Variants in TSPOAP1 observed in about 807,000 individuals in gnomAD.
The protein encoded by TSPOAP1 is TSPO associated protein 1.
In TSPOAP1, 87 loss-of-function variants were observed where a neutral mutation model predicts 197.0. The ratio of observed to expected loss-of-function variants is 0.44; its 90% confidence interval spans 0.37 to 0.53. The LOEUF is 0.53. Ranked by LOEUF, TSPOAP1 falls within the 20% of genes least tolerant of loss-of-function variation. The pLI is 0.00. For missense variants in TSPOAP1, 2,174 were observed against 2,411.3 expected (o/e 0.90, Z 2.06); for synonymous variants, 913 against 998.9 (o/e 0.91, Z 1.62).
chr17:58,310,443 G>A, intron 20 of TSPOAP1, 69 bp downstream of exon 20: 1 of 1,581,680 alleles, frequency 6.3e-7, no homozygotes, highest in Non-Finnish European at 8.6e-7. Context: ...AACTGGATTT[G>A]CGCTGGCAAA....
In TSPOAP1 at chr17:58,326,463, C is replaced by T. The variant is rs750709305; in HGVS notation, c.442-42G>A. The T allele has an allele frequency of 1.9e-6, 3 of 1,607,328 alleles. No homozygotes were observed. Among genetic ancestry groups the T allele is most frequent in the East Asian group, 4.5e-5 (2 of 44,852 alleles). ...CAGAATTGGGGCATGTAGGGAGCAC[C>T]CCACAGACCCAGTCCTAACAGCCCA... On this transcript the variant is annotated intron_variant, in intron 2 of 31. Transcript: ENST00000343736. This position sits in a 1 kb window ranked among gnomAD's most constrained non-coding sequence, Gnocchi z 4.7.
chr17:58,316,011 C>A lies in TSPOAP1; in HGVS notation c.2098+12G>T. The A allele has an allele frequency of 1.9e-6, 3 of 1,602,354 alleles. No individual in the cohort carries two copies. The highest frequency in any genetic ancestry group is 2.6e-6 in the Non-Finnish European group (3 of 1,169,356). On this transcript the variant is annotated intron_variant, in intron 16 of 31. Transcript: ENST00000343736. ...GGGGAATGGACAGAATGACCCCCCA[C>A]TACATTCCTACCTTCAAAAAAGCCA...
rs143108728 is a variant in TSPOAP1 at position 58,301,770 on chromosome 17, C to T, written c.*710G>A. 1,259 of 158,162 alleles carry T rather than the reference C, an allele frequency of 8.0e-3. 5 individuals are homozygous for T. Among genetic ancestry groups the T allele is most frequent in the Middle Eastern group, 0.02 (6 of 300 alleles). 9.8% of individuals were successfully genotyped at this position (158,162 alleles called of 1,614,324 possible). A position where few individuals can be genotyped will look rare whatever the true frequency, so the allele number is the denominator to read the frequency against. On this transcript the variant is annotated 3_prime_UTR_variant, in exon 32 of 32. Coordinates refer to ENST00000343736, the MANE Select transcript of TSPOAP1 (RefSeq NM_004758.4). ...TGAGTATATACATATATACAGGCTC[C>T]GCCCGCCTGCCCGCTGGGGAGATGG...
chr17:58,305,822 T>C lies in TSPOAP1; in HGVS notation c.5257+11A>G, dbSNP rs1274685462. On this transcript the variant is annotated intron_variant, in intron 27 of 31. Transcript: ENST00000343736. ...TTCCCCAGCCTCCCGGGCCCAGGGA[T>C]ATTCCTTCACCTGGACAGGGCTGGG... 6.2e-7 allele frequency: 1 copy of C among 1,612,818 alleles called. No homozygotes were observed. Among genetic ancestry groups the C allele is most frequent in the African/African-American group, 1.3e-5 (1 of 74,938 alleles).
chr17:58,312,625 G>A lies in TSPOAP1; in HGVS notation c.2196C>T (p.Ala732=), dbSNP rs760901540. ...CAGGGCCTGAGCTGTGGGACAAATCGGCCAGCTCTGGAGGGAGGGAGGTCA... is the reference window on the plus strand; with the variant it reads ...CAGGGCCTGAGCTGTGGGACAAATCAGCCAGCTCTGGAGGGAGGGAGGTCA... ...DLLTSLPPEL[A]DLSHSSGPEL... is the part of the protein sequence containing the mutation. Residue 732 remains alanine, a synonymous_variant, in exon 17 of 32, where the codon GCC becomes GCT. Transcript: ENST00000343736. The A allele has an allele frequency of 5.6e-5, 91 of 1,613,704 alleles. 1 individual carries two copies. Among genetic ancestry groups the A allele is most frequent in the Admixed American group, 8.3e-5 (5 of 59,998 alleles).
rs1373029619 is a variant in TSPOAP1 at position 58,306,703 on chromosome 17, G to A, written c.5152+97C>T. The A allele has an allele frequency of 9.7e-5, 140 of 1,443,404 alleles. No individual in the cohort carries two copies. The East Asian group carries it at 3.2e-3, about 33-fold the overall frequency. The allele number at this position is 1,443,404 out of a possible 1,614,324, so 89.4% of individuals were successfully genotyped here. A position where few individuals can be genotyped will look rare whatever the true frequency, so the allele number is the denominator to read the frequency against. Reference sequence around the variant, plus strand: ...GCTCCAAGGCTCTGCTAGAGTCTGGGTAAGTGGGAGCACCCCAGACACAAC... The same window carrying A: ...GCTCCAAGGCTCTGCTAGAGTCTGGATAAGTGGGAGCACCCCAGACACAAC... On this transcript the variant is annotated intron_variant, in intron 25 of 31. Coordinates refer to ENST00000343736, the MANE Select transcript of TSPOAP1 (RefSeq NM_004758.4).
Position 58,309,495 on chromosome 17 carries a change from C to CTTTTGTAAT in TSPOAP1, c.3892-116_3892-115insATTACAAAA. On this transcript the variant is annotated intron_variant, in intron 21 of 31. Coordinates refer to ENST00000343736, the MANE Select transcript of TSPOAP1 (RefSeq NM_004758.4). This position sits in a 1 kb window ranked among gnomAD's most constrained non-coding sequence, Gnocchi z 5.0. ...ACGAAGGCAGGGGTTACGGACAACC[C>CTTTTGTAAT]CACAGCCCTCCCACGGCTTCCTCCG... 7.3e-7 allele frequency: 1 copy of CTTTTGTAAT among 1,374,060 alleles called. No homozygotes were observed. The highest frequency in any genetic ancestry group is 9.7e-7 in the Non-Finnish European group (1 of 1,035,110). The allele number at this position is 1,374,060 out of a possible 1,614,324, so 85.1% of individuals were successfully genotyped here.
Position 58,312,249 on chromosome 17 carries a change from A to C in TSPOAP1, c.2572T>G (p.Ser858Ala), listed in dbSNP as rs780673248. 1 of 1,612,618 alleles carries C rather than the reference A, an allele frequency of 6.2e-7. No individual in the cohort carries two copies. Among genetic ancestry groups the C allele is most frequent in the Non-Finnish European group, 8.5e-7 (1 of 1,179,718 alleles). The change falls in exon 17 of 32, where the codon TCT becomes GCT. Residue 858 changes from serine to alanine, a missense_variant. Around this residue, in one of 5 missense-constraint regions of TSPOAP1, gnomAD observed 1,933 missense variants for 2,139.0 expected, o/e 0.90. Transcript: ENST00000343736. Reference protein sequence around the residue: ...LDLWAGPLHISVQALTSRGSS... With the variant: ...LDLWAGPLHIAVQALTSRGSS... ...CCCCGGCTAGTCAGGGCCTGGACAG[A>C]AATGTGAAGGGGCCCGGCCCACAGG... is the stretch of plus-strand genomic sequence containing the variant.
rs201453722 is a variant in TSPOAP1 at position 58,308,836 on chromosome 17, C to T, written c.4436G>A (p.Gly1479Asp). Reference protein sequence around the residue: ...RLGPSRRCSRGRALEPGLASC... With the variant: ...RLGPSRRCSRDRALEPGLASC... ...GGCCAGGCCAGGCTCCAGCGCCCGGCCACGGGAGCACCTCCGGGAAGGGCC... is the reference window on the plus strand; with the variant it reads ...GGCCAGGCCAGGCTCCAGCGCCCGGTCACGGGAGCACCTCCGGGAAGGGCC... The change falls in exon 22 of 32, where the codon GGC becomes GAC. Residue 1479 changes from glycine (G) to aspartate (D), a missense_variant. Coordinates refer to ENST00000343736, the MANE Select transcript of TSPOAP1 (RefSeq NM_004758.4). 6.2e-7 allele frequency: 1 copy of T among 1,611,574 alleles called. No individual in the cohort carries two copies. The highest frequency in any genetic ancestry group is 8.5e-7 in the Non-Finnish European group (1 of 1,179,074).
At position 58,309,153 on chromosome 17, in the gene TSPOAP1, C is replaced by T; in HGVS notation, c.4119G>A (p.Gln1373=). 6.2e-7 allele frequency: 1 copy of T among 1,613,964 alleles called. No individual in the cohort carries two copies. The highest frequency in any genetic ancestry group is 8.5e-7 in the Non-Finnish European group (1 of 1,180,026). The part of the protein sequence containing the change: ...ALLGLGCDSG[Q]PRRPGQCPLS... The stretch of plus-strand genomic sequence containing the variant: ...AGGGACACTGGCCAGGTCTTCGGGG[C>T]TGACCACTGTCACAGCCCAGCCCCA... Residue 1373 remains glutamine, a synonymous_variant, in exon 22 of 32, where the codon CAG becomes CAA. Coordinates refer to ENST00000343736, the MANE Select transcript of TSPOAP1 (RefSeq NM_004758.4). The surrounding 1 kb of genome is among the most constrained non-coding windows in gnomAD (Gnocchi z 5.0).
rs147685802 is a variant in TSPOAP1 at position 58,311,106 on chromosome 17, G to A, written c.3189C>T (p.His1063=). 1.8e-4 allele frequency: 286 copies of A among 1,595,596 alleles called. No homozygotes were observed. In the East Asian group the frequency reaches 3.0e-3, roughly 17 times the overall value. The change falls in exon 19 of 32, where the codon CAC becomes CAT. Residue 1063 remains histidine, a synonymous_variant. Coordinates refer to ENST00000343736, the MANE Select transcript of TSPOAP1 (RefSeq NM_004758.4). ...REVVVRTMSP[H]GESADSIPAP... ...CCGGGATGGAGTCCGCCGACTCCCC[G>A]TGGGGCGACATGGTGCGCACGACCA...
chr17:58,323,155 A>G (rs758635416), intron 7 of TSPOAP1, 116 bp from the exon 8 acceptor site: 42 of 1,462,006 alleles, frequency 2.9e-5, no homozygotes, highest in Non-Finnish European at 4.0e-5. Flanking sequence ...TGGAACCTGC[A>G]CCAGCCAGGA....
At chr17:58,320,832 C>T (rs1971382985) in intron 10 of TSPOAP1, among the ~76,000 whole-genome samples, 1 of 152,116 alleles carries the variant, frequency 6.6e-6, no homozygotes, top group African/African-American at 2.4e-5. Context: ...GTGGCTGAGT[C>T]AGCTCCCCTC....
At position 58,310,673 on chromosome 17, in the gene TSPOAP1, C is replaced by T. The variant is rs763350360; in HGVS notation, c.3538G>A (p.Gly1180Ser). Residue 1180 changes from glycine (G) to serine (S), a missense_variant, in exon 20 of 32, where the codon GGC becomes AGC. This residue lies in a region of TSPOAP1 where 1,933 missense variants were observed against 2,139.0 expected (regional missense o/e 0.90). Coordinates refer to ENST00000343736, the MANE Select transcript of TSPOAP1 (RefSeq NM_004758.4). ...TTGGCCAGTGAGGGAGCTGCGGGGC[C>T]AGGGTCCTTCTCACCCAGGGTAGAT... ...STSTLGEKDPGPAAPSLAKQE... is the reference protein window; with the variant it reads ...STSTLGEKDPSPAAPSLAKQE... 8 of 1,612,856 alleles carry T rather than the reference C, an allele frequency of 5.0e-6. No homozygotes were observed. In the South Asian group the frequency reaches 8.8e-5, roughly 18 times the overall value.
rs754367769 is a variant in TSPOAP1, at chr17:58,311,573, T to C, written c.3079A>G (p.Lys1027Glu). The C allele has an allele frequency of 1.9e-6, 3 of 1,573,144 alleles. No homozygotes were observed. The highest frequency in any genetic ancestry group is 2.7e-5 in the African/African-American group (2 of 74,048). The change falls in exon 18 of 32, where the codon AAG becomes GAG. Residue 1027 changes from lysine to glutamate, a missense_variant and splice_region_variant. This residue lies in a region of TSPOAP1 where 1,933 missense variants were observed against 2,139.0 expected (regional missense o/e 0.90). Coordinates refer to ENST00000343736, the MANE Select transcript of TSPOAP1 (RefSeq NM_004758.4). Reference sequence around the variant, plus strand: ...GGGTACAGTGGGCAGGGCTATACCTTCTGCCCATCAGCGTAGATGGCATAG... The same window carrying C: ...GGGTACAGTGGGCAGGGCTATACCTCCTGCCCATCAGCGTAGATGGCATAG... The part of the protein sequence containing the change: ...TGYAIYADGQ[K>E]IMEVASPTAG...
intron 6 of TSPOAP1, 36 bp from the exon 7 acceptor site, chr17:58,323,417 A>C: frequency 6.2e-7 from 1 of 1,614,216 alleles, no homozygotes; most frequent in Non-Finnish European, 8.5e-7. Flanking sequence ...TCATGAGGGA[A>C]GGTACATCTG....
intron 22 of TSPOAP1, 103 bp downstream of exon 22, chr17:58,308,438 G>T: frequency 6.8e-7 from 1 of 1,468,090 alleles, no homozygotes. Context: ...CACCTCTGCT[G>T]ATGGAGGCAG....
Position 58,323,650 on chromosome 17 carries a change from C to A in TSPOAP1, c.943-105G>T. 3.4e-6 allele frequency: 4 copies of A among 1,191,714 alleles called. No homozygotes were observed. In the South Asian group the frequency reaches 5.8e-5, roughly 17 times the overall value. The allele number at this position is 1,191,714 out of a possible 1,614,324, so 73.8% of individuals were successfully genotyped here. ...GCAGGTTCCCACCCCATCATTCAGC[C>A]AGCAAGAGATCCCTGCCTAGCAAGA... On this transcript the variant is annotated intron_variant, in intron 5 of 31. Coordinates refer to ENST00000343736, the MANE Select transcript of TSPOAP1 (RefSeq NM_004758.4).
At chr17:58,318,556 G>T in intron 13 of TSPOAP1, 104 bp from the exon 14 acceptor site, 1 of 1,165,430 alleles carries the variant, frequency 8.6e-7, no homozygotes, top group Non-Finnish European at 1.2e-6. Context: ...CCATAGCCGG[G>T]CTTCCTTACA....
Sources: gnomAD v4.1 joint callset for allele counts (sites outside exome capture counted in the v4.1 genomes callset) on GRCh38, gnomAD v4.1.1 for gene constraint, gnomAD v4.1.1 regional missense constraint, Gnocchi (gnomAD v3.1) non-coding constraint, MANE v1.5 for transcripts, NCBI Gene and HGNC (gene_info 2026-07-23, HGNC 2026-07-21) for gene names.